Variants in MAMLD1 observed in about 807,000 individuals in gnomAD.
MAMLD1 encodes mastermind-like domain-containing protein 1.
In MAMLD1, 14 loss-of-function variants were observed where a neutral mutation model predicts 45.0. The observed-to-expected ratio is 0.31, with a 90% CI of 0.21 to 0.49. The LOEUF (loss-of-function observed/expected upper bound fraction) is 0.49. Ranked by LOEUF, MAMLD1 falls within the 20% of genes least tolerant of loss-of-function variation. MAMLD1 has a pLI of 0.99. For synonymous variants in MAMLD1, 254 were observed against 247.8 expected, an observed-to-expected ratio of 1.02 and a Z score of -0.24; for missense variants, 543 against 603.6, an observed-to-expected ratio of 0.90 and a Z score of 1.05.
intron 6 of MAMLD1, among the ~76,000 whole-genome samples, chrX:150,505,733 T>C (rs1557408790): frequency 8.9e-6 from 1 of 112,758 alleles, no homozygotes; most frequent in African/African-American, 3.2e-5. Context: ...CTGGAGAAGC[T>C]GAGTCACAGG....
chrX:150,494,890 AAAACAAAC>A (rs36010957), intron 5 of MAMLD1, among the ~76,000 whole-genome samples: 5 of 103,064 alleles, frequency 4.9e-5, no homozygotes, highest in Non-Finnish European at 8.0e-5. Flanking sequence ...GCCTCAATAC[AAAACAAAC>A]AAACAAACAA....
intron 2 of MAMLD1, among the ~76,000 whole-genome samples, chrX:150,461,483 T>C (rs1036781711): frequency 8.9e-6 from 1 of 111,833 alleles, no homozygotes; most frequent in Non-Finnish European, 1.9e-5. Flanking sequence ...TGGTGGAGTA[T>C]TTCCTTCCTC....
At chrX:150,499,071 A>G (rs187541967) in intron 5 of MAMLD1, among the ~76,000 whole-genome samples, 32 of 111,993 alleles carry the variant, frequency 2.9e-4, no homozygotes, top group East Asian at 2.5e-3. Context: ...CTAGCATAGT[A>G]ACCTCACAAG....
chrX:150,440,766 A>G (rs1056311409), intron 1 of MAMLD1, among the ~76,000 whole-genome samples: 5 of 106,813 alleles, frequency 4.7e-5, no homozygotes, highest in African/African-American at 1.7e-4. Context: ...AGATTGGTAC[A>G]TTTTATTAAT....
rs2034016776 is a variant in MAMLD1, at chrX:150,407,075, T to C, written c.-63-38379T>C. ...AGGAAGCAGAGAGGCTATAGATTCATGGATGCCCTCGATTTTCTGGTGAAA... is the reference window on the plus strand; with the variant it reads ...AGGAAGCAGAGAGGCTATAGATTCACGGATGCCCTCGATTTTCTGGTGAAA... On this transcript the variant is annotated intron_variant, in intron 1 of 7. Transcript: ENST00000370401. Among the ~76,000 whole-genome samples, 3 of 111,633 alleles carry C rather than the reference T, an allele frequency of 2.7e-5. No homozygotes were observed. The East Asian group carries it at 8.3e-4, about 31-fold the overall frequency.
intron 1 of MAMLD1, among the ~76,000 whole-genome samples, chrX:150,371,460 G>A (rs2031980947): frequency 9.0e-6 from 1 of 110,872 alleles, no homozygotes; most frequent in Admixed American, 9.6e-5. Flanking sequence ...GATTTTGGAA[G>A]AGATCATTGG....
At chrX:150,429,210 C>G (rs961346737) in intron 1 of MAMLD1, among the ~76,000 whole-genome samples, 2 of 110,196 alleles carry the variant, frequency 1.8e-5, no homozygotes, top group South Asian at 7.8e-4. Flanking sequence ...TGGGATGTCT[C>G]TAGACCCTCA....
intron 1 of MAMLD1, among the ~76,000 whole-genome samples, chrX:150,430,336 T>C (rs1236389986): frequency 2.7e-5 from 3 of 111,254 alleles, no homozygotes; most frequent in East Asian, 5.6e-4. Flanking sequence ...AGTTTTGATA[T>C]TCTTTATACA....
chrX:150,364,983 G>A lies in MAMLD1; in HGVS notation c.-64+1453G>A, dbSNP rs1303052512. 2.7e-5 allele frequency among the ~76,000 whole-genome samples: 3 copies of A among 111,905 alleles called. No homozygotes were observed. The East Asian group carries it at 8.7e-4, about 33-fold the overall frequency. On this transcript the variant is annotated intron_variant, in intron 1 of 7. Coordinates refer to ENST00000370401, the MANE Select transcript of MAMLD1 (RefSeq NM_005491.5). The stretch of plus-strand genomic sequence containing the variant: ...CCGCCCGAGTGCCCACCGGCCGGGC[G>A]GGGTCGACCGTGCACCCGCCGGGGC...
upstream of MAMLD1, among the ~76,000 whole-genome samples, chrX:150,362,345 C>T (rs929600289): frequency 9.0e-6 from 1 of 111,128 alleles, no homozygotes; most frequent in Non-Finnish European, 1.9e-5. Flanking sequence ...ACTCCCGTCC[C>T]TGTGACACTT....
intron 1 of MAMLD1, among the ~76,000 whole-genome samples, chrX:150,424,473 TG>T (rs1895783361): frequency 8.9e-6 from 1 of 112,263 alleles, no homozygotes; most frequent in South Asian, 3.7e-4. Context: ...ACACCAACTT[TG>T]CAAGTTGTTC....
chrX:150,368,109 C>G (rs1189603291), intron 1 of MAMLD1, among the ~76,000 whole-genome samples: 9 of 110,712 alleles, frequency 8.1e-5, no homozygotes, highest in Non-Finnish European at 1.5e-4. Context: ...GGTATTTCTA[C>G]TTCTAGATCC....
chrX:150,398,296 G>GAAGAAGAAGAAC (rs2033549758), intron 1 of MAMLD1, among the ~76,000 whole-genome samples: 1 of 90,384 alleles, frequency 1.1e-5, no homozygotes, highest in African/African-American at 4.3e-5. Flanking sequence ...AGAAGAAGAA[G>GAAGAAGAAGAAC]AAGAAGAAGA....
chrX:150,470,595 G>A lies in MAMLD1; in HGVS notation c.1022G>A (p.Arg341His), dbSNP rs781875796. Reference protein sequence around the residue: ...LPPPGLSPPYRPVPSPHPPPL... With the variant: ...LPPPGLSPPYHPVPSPHPPPL... ...CCTCCAGGACTCTCTCCACCTTACC[G>A]CCCAGTGCCATCACCACACCCACCA... is the stretch of plus-strand genomic sequence containing the variant. The change falls in exon 4 of 8, where the codon CGC (arginine) becomes CAC (histidine). Residue 341 changes from arginine to histidine, a missense_variant. Transcript: ENST00000370401. The A allele has an allele frequency of 4.5e-5, 55 of 1,209,362 alleles. No homozygotes were observed. The highest frequency in any genetic ancestry group is 2.3e-4 in the Middle Eastern group (1 of 4,370).
chrX:150,481,008 T>C lies in MAMLD1; in HGVS notation c.2040+7206T>C, dbSNP rs183620616. ...AGGTGAGCGTAGCTGTGGAGACACA[T>C]ATTCTTCTGCAGGCCCATGTCGGGG... is the stretch of plus-strand genomic sequence containing the variant. On this transcript the variant is annotated intron_variant, in intron 5 of 7. Transcript: ENST00000370401. 3.5e-5 allele frequency among the ~76,000 whole-genome samples: 4 copies of C among 112,912 alleles called. No individual in the cohort carries two copies. In the East Asian group the frequency reaches 8.3e-4, roughly 24 times the overall value.
intron 3 of MAMLD1, among the ~76,000 whole-genome samples, chrX:150,468,442 G>T (rs2036292777): frequency 9.0e-6 from 1 of 111,138 alleles, no homozygotes; most frequent in Non-Finnish European, 1.9e-5. Context: ...TACCGGGTGG[G>T]GGAAGCTTTA....
intron 5 of MAMLD1, among the ~76,000 whole-genome samples, chrX:150,481,166 C>G (rs2036741142): frequency 8.9e-6 from 1 of 112,964 alleles, no homozygotes; most frequent in Admixed American, 9.3e-5. Context: ...GTGGGAGGCC[C>G]TCACCCATCC....
intron 1 of MAMLD1, among the ~76,000 whole-genome samples, chrX:150,441,034 A>T (rs1012145050): frequency 3.7e-4 from 39 of 104,891 alleles, no homozygotes; most frequent in African/African-American, 1.3e-3. Flanking sequence ...TTAATAATTA[A>T]TAATAATAAA....
chrX:150,496,652 G>T (rs1557408287), intron 5 of MAMLD1, among the ~76,000 whole-genome samples: 1 of 112,028 alleles, frequency 8.9e-6, no homozygotes, highest in African/African-American at 3.2e-5. Flanking sequence ...GGAGAGCCTT[G>T]ATGCCCTTCC....
Sources: gnomAD v4.1 joint callset for allele counts (sites outside exome capture counted in the v4.1 genomes callset) on GRCh38, gnomAD v4.1.1 for gene constraint, MANE v1.5 for transcripts, NCBI Gene and HGNC (gene_info 2026-07-23, HGNC 2026-07-21) for gene names.